The following NCAM1 variants were observed in gnomAD, a reference collection of about 807,000 sequenced individuals.
NCAM1 encodes antigen recognized by monoclonal antibody 5.1H11.
A neutral mutation model predicts 109.8 loss-of-function variants in NCAM1; 14 were observed. The observed-to-expected ratio is 0.13, with a 90% CI of 0.08 to 0.20. The LOEUF (loss-of-function observed/expected upper bound fraction) is 0.20. NCAM1 is among the 10% of genes least tolerant of loss of function. NCAM1 has a pLI of 1.00. For missense variants in NCAM1, 774 were observed against 1,109.9 expected (o/e 0.70, Z 4.30); for synonymous variants, 418 against 442.9 (o/e 0.94, Z 0.70).
At chr11:113,247,587 T>A (rs2137463790) in intron 15 of NCAM1, among the ~76,000 whole-genome samples, 1 of 152,322 alleles carries the variant, frequency 6.6e-6, no homozygotes, top group South Asian at 2.1e-4. Flanking sequence ...GGATGTCAGC[T>A]TGGCCCCAAT....
At chr11:112,986,687 G>T (rs781809200) in intron 1 of NCAM1, among the ~76,000 whole-genome samples, 2 of 151,718 alleles carry the variant, frequency 1.3e-5, no homozygotes, top group Non-Finnish European at 2.9e-5. Context: ...CAATTTGTTG[G>T]CATATAATCT....
chr11:113,220,584 TTC>T (rs1300315366), intron 8 of NCAM1, among the ~76,000 whole-genome samples: 1,430 of 139,670 alleles, frequency 0.01, 32 homozygotes, highest in East Asian at 0.021. Flanking sequence ...AGGAGACCTA[TTC>T]TCTCTCTCTC....
intron 1 of NCAM1, among the ~76,000 whole-genome samples, chr11:113,004,165 C>T (rs931344991): frequency 3.9e-5 from 6 of 152,198 alleles, no homozygotes; most frequent in Admixed American, 3.3e-4. Flanking sequence ...TTTTCTTCTG[C>T]TGTGTGTACT....
At chr11:113,199,494 G>T (rs553558406) in intron 1 of NCAM1, among the ~76,000 whole-genome samples, 1 of 152,144 alleles carries the variant, frequency 6.6e-6, no homozygotes, top group East Asian at 1.9e-4. Flanking sequence ...GTTCCTCTGG[G>T]CCAGCTTTGT....
At chr11:113,108,400 A>G (rs1365534729) in intron 1 of NCAM1, among the ~76,000 whole-genome samples, 1 of 152,192 alleles carries the variant, frequency 6.6e-6, no homozygotes, top group Non-Finnish European at 1.5e-5. Flanking sequence ...ATTAGAATGA[A>G]TATTGTTCAA....
intron 1 of NCAM1, among the ~76,000 whole-genome samples, chr11:113,082,678 C>T (rs142526597): frequency 6.6e-6 from 1 of 152,218 alleles, no homozygotes; most frequent in Admixed American, 6.5e-5. Context: ...TCTGGACGCT[C>T]TGAGCGTGCT....
intron 1 of NCAM1, among the ~76,000 whole-genome samples, chr11:113,197,370 T>A (rs1235348913): frequency 6.6e-6 from 1 of 152,170 alleles, no homozygotes; most frequent in Non-Finnish European, 1.5e-5. Context: ...ACAAAAACAA[T>A]TCTCCATTAC....
At chr11:113,040,820 A>G (rs1439473410) in intron 1 of NCAM1, 1 of 152,118 alleles carries the variant, frequency 6.6e-6, no homozygotes, top group Non-Finnish European at 1.5e-5. Context: ...ATTGATTACC[A>G]CTTTTCTCTT....
rs142009888 is a variant in NCAM1 at position 113,275,514 on chromosome 11, C to T, written c.*127C>T. 8.2e-4 allele frequency: 958 copies of T among 1,172,616 alleles called. 5 individuals carry two copies. In the African/African-American group the frequency reaches 0.013, roughly 15 times the overall value. 72.6% of individuals were successfully genotyped at this position (1,172,616 alleles called of 1,614,324 possible). A position where few individuals can be genotyped will look rare whatever the true frequency, so the allele number is the denominator to read the frequency against. On this transcript the variant is annotated 3_prime_UTR_variant, in exon 20 of 20. Coordinates refer to ENST00000316851, the MANE Select transcript of NCAM1 (RefSeq NM_181351.5). ...AACACACATGCACACACACACATCTCATTTCTCTAGTGTCTTTTGCCTTTA... is the reference window on the plus strand; with the variant it reads ...AACACACATGCACACACACACATCTTATTTCTCTAGTGTCTTTTGCCTTTA...
chr11:113,156,757 C>G (rs189057646), intron 1 of NCAM1, among the ~76,000 whole-genome samples: 77 of 152,190 alleles, frequency 5.1e-4, no homozygotes, highest in Admixed American at 1.9e-3. Context: ...AGGAAGACCA[C>G]AGCTGTGTAC....
intron 1 of NCAM1, among the ~76,000 whole-genome samples, chr11:113,038,861 C>T (rs7947744): frequency 0.95 from 144,900 of 152,250 alleles, 69,372 homozygotes; most frequent in East Asian, 1. Flanking sequence ...CAGTCACACC[C>T]TTATGGCTGG....
intron 7 of NCAM1, among the ~76,000 whole-genome samples, chr11:113,210,003 G>A (rs1944341716): frequency 1.3e-5 from 2 of 152,182 alleles, no homozygotes; most frequent in South Asian, 2.1e-4. Context: ...CTTGTGGACA[G>A]GGGCTGTGTC....
At chr11:113,183,701 C>T (rs1326155789) in intron 1 of NCAM1, among the ~76,000 whole-genome samples, 1 of 152,170 alleles carries the variant, frequency 6.6e-6, no homozygotes, top group Non-Finnish European at 1.5e-5. Context: ...ATTTAACCAG[C>T]TAGAACTCGC....
intron 1 of NCAM1, among the ~76,000 whole-genome samples, chr11:113,121,556 A>AAAAAAG (rs1426180380): frequency 6.6e-6 from 1 of 151,178 alleles, no homozygotes; most frequent in Admixed American, 6.6e-5. Context: ...AAAAAAAAAA[A>AAAAAAG]AAGGCACTGT....
chr11:113,235,224 G>A, intron 14 of NCAM1, 60 bp downstream of exon 14: 1 of 1,612,758 alleles, frequency 6.2e-7, no homozygotes. Flanking sequence ...GGGGGCAGTG[G>A]GGAACCCTGA....
At chr11:113,138,063 G>A (rs902205771) in intron 1 of NCAM1, among the ~76,000 whole-genome samples, 5 of 152,196 alleles carry the variant, frequency 3.3e-5, no homozygotes, top group East Asian at 1.9e-4. Flanking sequence ...AGTGCGGGCC[G>A]TGAGTCCCAG....
intron 1 of NCAM1, among the ~76,000 whole-genome samples, chr11:113,086,886 C>A (rs1396312335): frequency 4.6e-5 from 7 of 152,068 alleles, no homozygotes; most frequent in African/African-American, 1.7e-4. Context: ...AGAAAAATAA[C>A]AGGTTTTATT....
intron 1 of NCAM1, among the ~76,000 whole-genome samples, chr11:113,124,221 G>A (rs1941086107): frequency 6.6e-6 from 1 of 152,208 alleles, no homozygotes; most frequent in Non-Finnish European, 1.5e-5. Flanking sequence ...GACTGAGAAG[G>A]AGGAAGGAGG....
intron 1 of NCAM1, among the ~76,000 whole-genome samples, chr11:113,169,622 G>A (rs1436343647): frequency 1.6e-5 from 2 of 125,436 alleles, no homozygotes; most frequent in Admixed American, 2.0e-4. Context: ...TTCAGAGTTG[G>A]ATGGGAGTTT....
Sources: gnomAD v4.1 joint callset for allele counts (sites outside exome capture counted in the v4.1 genomes callset) on GRCh38, gnomAD v4.1.1 for gene constraint, MANE v1.5 for transcripts, NCBI Gene and HGNC (gene_info 2026-07-23, HGNC 2026-07-21) for gene names.